Variants in TCIRG1 observed in about 807,000 individuals in gnomAD.
The protein encoded by TCIRG1 is T cell immune regulator 1, ATPase H+ transporting V0 subunit a3.
Under a neutral mutation model 95.5 loss-of-function variants are expected in TCIRG1, and 86 were observed. The observed-to-expected ratio is 0.90, with a 90% confidence interval of 0.76 to 1.08. The LOEUF is 1.08. TCIRG1 is among the 50% of genes least tolerant of loss of function. TCIRG1 has a pLI of 0.00. For missense variants in TCIRG1, 1,069 were observed against 1,140.2 expected, an observed-to-expected ratio of 0.94 and a Z score of 0.90; for synonymous variants, 499 against 501.3, an observed-to-expected ratio of 1.00 and a Z score of 0.06.
At position 68,043,365 on chromosome 11, in the gene TCIRG1, C is replaced by T. The variant is rs1028394725; in HGVS notation, c.504-6C>T. On this transcript the variant is annotated splice_polypyrimidine_tract_variant and splice_region_variant and intron_variant, in intron 5 of 19. Transcript: ENST00000265686. ...GAGCAGCCCTGCCCAGCCCCGTGGC[C>T]GCCAGCTTTGTGGCAGGTGCCGTGG... 20 of 1,539,908 alleles carry T rather than the reference C, an allele frequency of 1.3e-5. No individual in the cohort carries two copies. Among genetic ancestry groups the T allele is most frequent in the African/African-American group, 4.1e-5 (3 of 72,960 alleles).
At chr11:68,041,978 G>C in intron 3 of TCIRG1, 147 bp downstream of exon 3, 1 of 773,540 alleles carries the variant, frequency 1.3e-6, no homozygotes, top group Non-Finnish European at 2.2e-6. Flanking sequence ...AGACAGAGCA[G>C]CTGGGATCTG....
At position 68,045,253 on chromosome 11, in the gene TCIRG1, G is replaced by A. The variant is rs1026386907; in HGVS notation, c.1165+151G>A. ...ATCCCATCACTCTCAAGGGGCTGTTGGGCTCTGCAGCCAGTGTGAGGCTTT... is the reference window on the plus strand; with the variant it reads ...ATCCCATCACTCTCAAGGGGCTGTTAGGCTCTGCAGCCAGTGTGAGGCTTT... On this transcript the variant is annotated intron_variant, in intron 10 of 19. Coordinates refer to ENST00000265686, the MANE Select transcript of TCIRG1 (RefSeq NM_006019.4). 5 of 1,005,822 alleles carry A rather than the reference G, an allele frequency of 5.0e-6. No homozygotes were observed. The Admixed American group carries it at 1.0e-4, about 21-fold the overall frequency. 62.3% of individuals were successfully genotyped at this position (1,005,822 alleles called of 1,614,324 possible).
intron 10 of TCIRG1, 94 bp from the exon 11 acceptor site, chr11:68,047,339 G>T: frequency 7.2e-7 from 1 of 1,392,042 alleles, no homozygotes; most frequent in Non-Finnish European, 9.7e-7. Context: ...ATGGGTTCTT[G>T]ACTGCAGGCC....
intron 4 of TCIRG1, 22 bp from the exon 5 acceptor site, chr11:68,042,924 C>T (rs754174913): frequency 3.2e-6 from 5 of 1,551,166 alleles, no homozygotes; most frequent in African/African-American, 2.7e-5. Flanking sequence ...GCCTAGGGCT[C>T]ATGGTGCTTC....
chr11:68,041,538 C>A (rs1855165367), intron 2 of TCIRG1, 150 bp downstream of exon 2: 2 of 729,702 alleles, frequency 2.7e-6, no homozygotes, highest in Non-Finnish European at 4.6e-6. Flanking sequence ...TCATGGGAAG[C>A]CCGCAGCTGA....
At chr11:68,048,542 C>T (rs1168151196) in intron 13 of TCIRG1, among the ~76,000 whole-genome samples, 4 of 152,256 alleles carry the variant, frequency 2.6e-5, no homozygotes, top group Admixed American at 2.6e-4. Flanking sequence ...GATCCACCTG[C>T]TTCAGCCTCT....
rs368279533 is a variant in TCIRG1, at chr11:68,044,363, C to T, written c.1020+19C>T. ...CAGCTCGGTGAGCAGCCTGAGGCCTCGCCCCCTCTCCGCCCGCCCCTCCTA... is the reference window on the plus strand; with the variant it reads ...CAGCTCGGTGAGCAGCCTGAGGCCTTGCCCCCTCTCCGCCCGCCCCTCCTA... On this transcript the variant is annotated intron_variant, in intron 9 of 19. Coordinates refer to ENST00000265686, the MANE Select transcript of TCIRG1 (RefSeq NM_006019.4). The T allele has an allele frequency of 5.6e-4, 854 of 1,535,616 alleles. No homozygotes were observed. The highest frequency in any genetic ancestry group is 6.9e-4 in the Non-Finnish European group (794 of 1,143,600).
chr11:68,040,185 TG>T (rs367863213), intron 1 of TCIRG1, among the ~76,000 whole-genome samples: 82 of 152,240 alleles, frequency 5.4e-4, no homozygotes, highest in African/African-American at 1.9e-3. Context: ...CTGTCAGGGG[TG>T]CCACGTCCCA....
intron 1 of TCIRG1, 22 bp from the exon 2 acceptor site, chr11:68,041,246 C>T (rs778259261): frequency 1.3e-6 from 2 of 1,541,398 alleles, no homozygotes; most frequent in East Asian, 2.2e-5. Context: ...CCTGACTGGC[C>T]CCCATCCGTG....
chr11:68,043,121 G>T lies in TCIRG1; in HGVS notation c.503+90G>T. ...GGGCCAGGCTGAGCTCCGACTCCTT[G>T]TCCAGTGCTCTCCCCAGGCTGGCCC... On this transcript the variant is annotated intron_variant, in intron 5 of 19. Coordinates refer to ENST00000265686, the MANE Select transcript of TCIRG1 (RefSeq NM_006019.4). 3 of 1,545,082 alleles carry T rather than the reference G, an allele frequency of 1.9e-6. No homozygotes were observed. The Admixed American group carries it at 5.9e-5, about 30-fold the overall frequency.
Position 68,050,539 on chromosome 11 carries a change from C to T in TCIRG1, c.2289C>T (p.Gly763=), listed in dbSNP as rs770276389. ...TGATGCGCATAGGCCTGGGCCTGGG[C>T]CGGGAGGTGGGCGTGGCGGCTGTGG... ...AMVMRIGLGL[G]REVGVAAVVL... is the part of the protein sequence containing the mutation. Residue 763 remains glycine, a synonymous_variant, in exon 19 of 20, where the codon GGC becomes GGT. Transcript: ENST00000265686. The T allele has an allele frequency of 2.5e-6, 4 of 1,613,786 alleles. No individual in the cohort carries two copies. The highest frequency in any genetic ancestry group is 1.7e-5 in the Admixed American group (1 of 60,028).
Position 68,044,307 on chromosome 11 carries a change from A to G in TCIRG1, c.983A>G (p.Asp328Gly). Residue 328 changes from aspartate to glycine, a missense_variant, in exon 9 of 20, where the codon GAC becomes GGC. Asp to Gly is a moderately conservative substitution (Grantham distance 94). Transcript: ENST00000265686. ...GCCGAGGCCTGGTGCTCTGTGCGAGACCTGCCCGCCCTGCAGGAGGCCCTG... is the reference window on the plus strand; with the variant it reads ...GCCGAGGCCTGGTGCTCTGTGCGAGGCCTGCCCGCCCTGCAGGAGGCCCTG... ...LIAEAWCSVR[D>G]LPALQEALRD... is the part of the protein sequence containing the mutation. The G allele has an allele frequency of 6.2e-7, 1 of 1,601,712 alleles. No individual in the cohort carries two copies. Among genetic ancestry groups the G allele is most frequent in the Non-Finnish European group, 8.5e-7 (1 of 1,176,738 alleles).
In TCIRG1 at chr11:68,047,810, GCCCGGGCCCCAGCCCGGC is replaced by G; in HGVS notation, c.1463+7_1463+24del. The G allele has an allele frequency of 1.2e-6, 2 of 1,612,334 alleles. No homozygotes were observed. Among genetic ancestry groups the G allele is most frequent in the Non-Finnish European group, 1.7e-6 (2 of 1,179,444 alleles). On this transcript the variant is annotated splice_region_variant and intron_variant, in intron 12 of 19. Coordinates refer to ENST00000265686, the MANE Select transcript of TCIRG1 (RefSeq NM_006019.4). ...GCCAACCAGTCTGGCTGGAGGTGAG[GCCCGGGCCCCAGCCCGGC>G]TGGGGGCCCCGCAGCACCCGCAGCC... is the stretch of plus-strand genomic sequence containing the variant.
In TCIRG1 at chr11:68,043,342, G is replaced by A. The variant is rs942476728; in HGVS notation, c.504-29G>A. ...GGGGGAGGCAGGGCAGGAGGTTGGA[G>A]CAGCCCTGCCCAGCCCCGTGGCCGC... On this transcript the variant is annotated intron_variant, in intron 5 of 19. Coordinates refer to ENST00000265686, the MANE Select transcript of TCIRG1 (RefSeq NM_006019.4). The A allele has an allele frequency of 6.5e-6, 10 of 1,536,600 alleles. No homozygotes were observed. In the African/African-American group the frequency reaches 1.2e-4, roughly 19 times the overall value.
rs1174961120 is a variant in TCIRG1 at position 68,044,755 on chromosome 11, C to T, written c.1021-203C>T. ...CCTAGGAGGCAGCATGCTTGCCTTTCCCAAGCAATTGCCAATCCATGTGGT... is the reference window on the plus strand; with the variant it reads ...CCTAGGAGGCAGCATGCTTGCCTTTTCCAAGCAATTGCCAATCCATGTGGT... On this transcript the variant is annotated intron_variant, in intron 9 of 19. Transcript: ENST00000265686. 11 of 673,760 alleles carry T rather than the reference C, an allele frequency of 1.6e-5. No individual in the cohort carries two copies. The South Asian group carries it at 2.0e-4, about 13-fold the overall frequency. The allele number at this position is 673,760 out of a possible 1,614,324, so 41.7% of individuals were successfully genotyped here.
In TCIRG1 at chr11:68,049,151, G is replaced by A. The variant is rs752454557; in HGVS notation, c.1744G>A (p.Gly582Ser). 6.2e-6 allele frequency: 10 copies of A among 1,613,806 alleles called. No homozygotes were observed. In the East Asian group the frequency reaches 1.1e-4, roughly 18 times the overall value. The part of the protein sequence containing the change: ...PELTFLLGLF[G>S]YLVFLVIYKW... ...GCTCACCTTCCTGCTGGGACTCTTC[G>A]GTTACCTCGTGTTCCTAGTCATCTA... Residue 582 changes from glycine (G) to serine (S), a missense_variant, in exon 15 of 20, where the codon GGT becomes AGT. Coordinates refer to ENST00000265686, the MANE Select transcript of TCIRG1 (RefSeq NM_006019.4).
chr11:68,044,342 T>C lies in TCIRG1; in HGVS notation c.1018T>C (p.Ser340Pro). 5 of 1,579,158 alleles carry C rather than the reference T, an allele frequency of 3.2e-6. No homozygotes were observed. Among genetic ancestry groups the C allele is most frequent in the Non-Finnish European group, 4.3e-6 (5 of 1,168,020 alleles). ...PALQEALRDS[S>P]MEEGVSAVAH... ...CCTGCAGGAGGCCCTGCGGGACAGCTCGGTGAGCAGCCTGAGGCCTCGCCC... is the reference window on the plus strand; with the variant it reads ...CCTGCAGGAGGCCCTGCGGGACAGCCCGGTGAGCAGCCTGAGGCCTCGCCC... Residue 340 changes from serine to proline, a missense_variant and splice_region_variant, in exon 9 of 20, where the codon TCG (serine) becomes CCG (proline). Transcript: ENST00000265686.
At position 68,047,646 on chromosome 11, in the gene TCIRG1, G is replaced by A. The variant is rs1554997884; in HGVS notation, c.1306-1G>A. ...CCCTCACCACACCACTGCCCCCCCA[G>A]ATCTGGCAGACTTTCTTCAGGGGCC... is the stretch of plus-strand genomic sequence containing the variant. On this transcript the variant is annotated splice_acceptor_variant, in intron 11 of 19. Coordinates refer to ENST00000265686, the MANE Select transcript of TCIRG1 (RefSeq NM_006019.4). LOFTEE classifies it high-confidence loss of function. The A allele has an allele frequency of 4.3e-6, 7 of 1,613,314 alleles. No individual in the cohort carries two copies. The highest frequency in any genetic ancestry group is 5.9e-6 in the Non-Finnish European group (7 of 1,180,020).
chr11:68,053,397 GGCTGCTCCAGAGCAATCC>G (rs1437623087), downstream of TCIRG1: 5 of 152,830 alleles, frequency 3.3e-5, no homozygotes, highest in Admixed American at 2.0e-4. Flanking sequence ...TGGCGGCCTT[GGCTGCTCCAGAGCAATCC>G]GCTGCTCCAG....
Sources: gnomAD v4.1 joint callset for allele counts (sites outside exome capture counted in the v4.1 genomes callset) on GRCh38, gnomAD v4.1.1 for gene constraint, MANE v1.5 for transcripts, NCBI Gene and HGNC (gene_info 2026-07-23, HGNC 2026-07-21) for gene names.